SOBP: variants seen among roughly 807,000 people sequenced by gnomAD.
SOBP encodes sine oculis-binding protein homolog.
In SOBP, 4 loss-of-function variants were observed where a neutral mutation model predicts 53.6. The ratio of observed to expected loss-of-function variants is 0.07; its 90% CI spans 0.04 to 0.17. The LOEUF is 0.17. SOBP is among the 10% of genes least tolerant of loss of function. The pLI is 1.00. For synonymous variants in SOBP, 584 were observed against 522.6 expected (o/e 1.12, Z -1.60); for missense variants, 1,088 against 1,204.7 (o/e 0.90, Z 1.43).
At chr6:107,522,995 G>T (rs897512202) in intron 3 of SOBP, among the ~76,000 whole-genome samples, 1 of 152,196 alleles carries the variant, frequency 6.6e-6, no homozygotes, top group Non-Finnish European at 1.5e-5. Flanking sequence ...GGTGGGAAAC[G>T]CAGTGAAGGG....
Position 107,633,821 on chromosome 6 carries a change from C to T in SOBP, c.977C>T (p.Pro326Leu), listed in dbSNP as rs775846587. ...ATAGQSQGPG[P>L]SASTTVSPSD... ...GCTGGCCAAAGCCAGGGCCCTGGCC[C>T]GTCGGCGTCCACCACCGTCTCTCCA... Residue 326 changes from proline (P) to leucine (L), a missense_variant, in exon 6 of 7, where the codon CCG (proline) becomes CTG (leucine). Pro to Leu is a moderately conservative substitution (Grantham distance 98). Transcript: ENST00000317357. The T allele has an allele frequency of 1.9e-5, 30 of 1,614,110 alleles. No individual in the cohort carries two copies. The highest frequency in any genetic ancestry group is 2.5e-5 in the Non-Finnish European group (29 of 1,180,016).
At chr6:107,591,968 GTTTTTTTTTTTTT>G (rs56210027) in intron 5 of SOBP, among the ~76,000 whole-genome samples, 1 of 88,638 alleles carries the variant, frequency 1.1e-5, no homozygotes, top group Non-Finnish European at 2.2e-5. Context: ...GTCTTTTGGT[GTTTTTTTTTTTTT>G]TTTTTTTTTT....
At chr6:107,651,880 G>A (rs931608827) in intron 6 of SOBP, among the ~76,000 whole-genome samples, 10 of 152,128 alleles carry the variant, frequency 6.6e-5, no homozygotes, top group South Asian at 2.1e-4. Context: ...GTGGAACAAC[G>A]AAGCTTGGGT....
intron 4 of SOBP, among the ~76,000 whole-genome samples, chr6:107,585,874 T>A (rs1377966006): frequency 6.6e-6 from 1 of 152,204 alleles, no homozygotes; most frequent in Admixed American, 6.5e-5. Flanking sequence ...GTGACACTCA[T>A]CAGGGCAGAT....
intron 3 of SOBP, among the ~76,000 whole-genome samples, chr6:107,521,087 G>C (rs1435750063): frequency 6.7e-6 from 1 of 148,216 alleles, no homozygotes; most frequent in African/African-American, 2.5e-5. Flanking sequence ...AATCAAAAAT[G>C]TCTCCCGATA....
At chr6:107,656,367 A>C (rs1312604858) in intron 6 of SOBP, among the ~76,000 whole-genome samples, 1 of 27,846 alleles carries the variant, frequency 3.6e-5, no homozygotes, top group African/African-American at 8.1e-5. Context: ...GAAAGAAAGA[A>C]AGTAAGTCAA....
At chr6:107,597,403 A>G (rs1034549243) in intron 5 of SOBP, among the ~76,000 whole-genome samples, 1 of 152,184 alleles carries the variant, frequency 6.6e-6, no homozygotes, top group African/African-American at 2.4e-5. Context: ...TAGTAAGTAT[A>G]TGAATTTTGA....
At chr6:107,581,791 T>C (rs1449010820) in intron 4 of SOBP, among the ~76,000 whole-genome samples, 1 of 152,220 alleles carries the variant, frequency 6.6e-6, no homozygotes, top group African/African-American at 2.4e-5. Context: ...CAATTAGTTA[T>C]AAAATATAAA....
chr6:107,611,564 T>A (rs1465759855), intron 5 of SOBP, among the ~76,000 whole-genome samples: 2 of 152,190 alleles, frequency 1.3e-5, no homozygotes, highest in East Asian at 3.8e-4. Context: ...ACTTTCCTCC[T>A]CAGCCCAGTA....
rs76305018 is a variant in SOBP at position 107,614,508 on chromosome 6, G to A, written c.670-19006G>A. 8.3e-3 allele frequency among the ~76,000 whole-genome samples: 1,262 copies of A among 152,358 alleles called. 20 individuals are homozygous for A. The highest frequency in any genetic ancestry group is 0.055 in the East Asian group (288 of 5,190). ...GGAGGATGTTGTGCTAAGTAGCTTC[G>A]AGAGAGAGGGGGCCAGGCCCATGGG... On this transcript the variant is annotated intron_variant, in intron 5 of 6. Coordinates refer to ENST00000317357, the MANE Select transcript of SOBP (RefSeq NM_018013.4).
At chr6:107,655,061 G>A (rs1016779260) in intron 6 of SOBP, among the ~76,000 whole-genome samples, 1 of 151,832 alleles carries the variant, frequency 6.6e-6, no homozygotes, top group Non-Finnish European at 1.5e-5. Flanking sequence ...TGTAACTCGG[G>A]TCTCTGTTTC....
At position 107,555,538 on chromosome 6, in the gene SOBP, C is replaced by T. The variant is rs142974401; in HGVS notation, c.573+21928C>T. ...TTCCAGAGGACGGTGCAGCTGTAAGCGCCTTGCACTCCAACAATCAGAGGC... is the reference window on the plus strand; with the variant it reads ...TTCCAGAGGACGGTGCAGCTGTAAGTGCCTTGCACTCCAACAATCAGAGGC... On this transcript the variant is annotated intron_variant, in intron 4 of 6. Transcript: ENST00000317357. Among the ~76,000 whole-genome samples, 280 of 152,316 alleles carry T rather than the reference C, an allele frequency of 1.8e-3. 4 individuals are homozygous for T. The South Asian group carries it at 0.029, about 16-fold the overall frequency.
intron 3 of SOBP, among the ~76,000 whole-genome samples, chr6:107,530,421 T>G (rs2057297): frequency 2.6e-5 from 4 of 152,096 alleles, no homozygotes; most frequent in Admixed American, 2.6e-4. Flanking sequence ...TTTCTAGGGG[T>G]GCAGTCATAA....
chr6:107,570,066 G>C (rs961711907), intron 4 of SOBP, among the ~76,000 whole-genome samples: 10 of 152,204 alleles, frequency 6.6e-5, no homozygotes, highest in Non-Finnish European at 1.3e-4. Context: ...ATGCTAATGA[G>C]AATAACGGGA....
chr6:107,651,867 T>C (rs1293169520), intron 6 of SOBP, among the ~76,000 whole-genome samples: 1 of 152,168 alleles, frequency 6.6e-6, no homozygotes, highest in Non-Finnish European at 1.5e-5. Flanking sequence ...TTGAGCTCTG[T>C]CAGTGGAACA....
chr6:107,566,733 G>C (rs1374897818), intron 4 of SOBP, among the ~76,000 whole-genome samples: 1 of 152,168 alleles, frequency 6.6e-6, no homozygotes, highest in African/African-American at 2.4e-5. Flanking sequence ...TGTCCTCTCA[G>C]TTCAGCTCCC....
At chr6:107,623,570 G>A (rs1282035526) in intron 5 of SOBP, among the ~76,000 whole-genome samples, 1 of 152,114 alleles carries the variant, frequency 6.6e-6, no homozygotes, top group Non-Finnish European at 1.5e-5. Flanking sequence ...AAGCAAATTA[G>A]ATCTTCCAGC....
At chr6:107,619,870 G>A (rs990596185) in intron 5 of SOBP, among the ~76,000 whole-genome samples, 4 of 152,128 alleles carry the variant, frequency 2.6e-5, no homozygotes, top group African/African-American at 9.7e-5. Flanking sequence ...CCAGGAGGGA[G>A]TATTACGGGA....
chr6:107,604,267 G>A (rs1469949665), intron 5 of SOBP, among the ~76,000 whole-genome samples: 2 of 152,208 alleles, frequency 1.3e-5, no homozygotes, highest in African/African-American at 2.4e-5. Context: ...TGTCTAAGCA[G>A]TATGGACTGT....
Sources: gnomAD v4.1 joint callset for allele counts (sites outside exome capture counted in the v4.1 genomes callset) on GRCh38, gnomAD v4.1.1 for gene constraint, MANE v1.5 for transcripts, NCBI Gene and HGNC (gene_info 2026-07-23, HGNC 2026-07-21) for gene names.